EPHB2: variants seen among roughly 807,000 people sequenced by gnomAD.
EPHB2 encodes the protein ephrin type-B receptor 2.
Under a neutral mutation model 96.4 loss-of-function variants are expected in EPHB2, and 18 were observed. The ratio of observed to expected loss-of-function variants is 0.19; its 90% CI spans 0.13 to 0.28. EPHB2 has a LOEUF of 0.28. EPHB2 is among the 10% of genes least tolerant of loss of function. EPHB2 has a pLI of 1.00. For missense variants in EPHB2, 989 were observed against 1,355.4 expected (o/e 0.73, Z 4.25); for synonymous variants, 506 against 534.1 (o/e 0.95, Z 0.72).
rs116919052 is a variant in EPHB2, at chr1:22,712,479, A to G, written c.61+1436A>G. ...TAAGAAAAAACGCATATCAGACCAG[A>G]CGTGGGGGCTGCGGCCTCTGGGAAA... On this transcript the variant is annotated intron_variant, in intron 1 of 15. Transcript: ENST00000374630. Among the ~76,000 whole-genome samples, 581 of 151,974 alleles carry G rather than the reference A, an allele frequency of 3.8e-3. 15 individuals carry two copies. The East Asian group carries it at 0.066, about 17-fold the overall frequency.
chr1:22,720,612 CA>C (rs1643430476), intron 1 of EPHB2, among the ~76,000 whole-genome samples: 1 of 148,896 alleles, frequency 6.7e-6, no homozygotes, highest in South Asian at 2.1e-4. Flanking sequence ...GTTTATCGTC[CA>C]GTCCAGGGAT....
intron 3 of EPHB2, among the ~76,000 whole-genome samples, chr1:22,803,763 A>G (rs1644884139): frequency 6.6e-6 from 1 of 150,464 alleles, no homozygotes; most frequent in African/African-American, 2.5e-5. Flanking sequence ...ATATATATAA[A>G]TTAGCTGGGG....
intron 1 of EPHB2, among the ~76,000 whole-genome samples, chr1:22,748,069 C>A (rs1254876805): frequency 6.6e-6 from 1 of 152,192 alleles, no homozygotes; most frequent in Non-Finnish European, 1.5e-5. Context: ...TTCCTGCTAC[C>A]ACTTGTGCAA....
At chr1:22,747,463 T>C (rs1643992330) in intron 1 of EPHB2, among the ~76,000 whole-genome samples, 1 of 152,220 alleles carries the variant, frequency 6.6e-6, no homozygotes, top group African/African-American at 2.4e-5. Context: ...TTCTTTGTCA[T>C]CCTGGTAGAG....
intron 1 of EPHB2, among the ~76,000 whole-genome samples, chr1:22,713,802 C>T (rs1643222242): frequency 1.3e-5 from 2 of 152,352 alleles, no homozygotes; most frequent in South Asian, 4.1e-4. Context: ...TCCCCAGCTC[C>T]AGCCTTCGGA....
chr1:22,789,727 G>C (rs1241667855), intron 3 of EPHB2, among the ~76,000 whole-genome samples: 1 of 152,212 alleles, frequency 6.6e-6, no homozygotes, highest in African/African-American at 2.4e-5. Flanking sequence ...GGAGAAGACA[G>C]AAGAAAAAGT....
chr1:22,843,693 G>A (rs761134449), intron 3 of EPHB2, among the ~76,000 whole-genome samples: 5 of 152,008 alleles, frequency 3.3e-5, no homozygotes, highest in Non-Finnish European at 5.9e-5. Context: ...GCCACCTGCC[G>A]CTATGCCTGG....
At chr1:22,731,748 GA>G (rs1199488524) in intron 1 of EPHB2, among the ~76,000 whole-genome samples, 43 of 152,188 alleles carry the variant, frequency 2.8e-4, no homozygotes, top group Admixed American at 2.8e-3. Flanking sequence ...GCTGAGGCAG[GA>G]GAATCGCTTG....
Position 22,882,392 on chromosome 1 carries a change from G to A in EPHB2, c.1337G>A (p.Ser446Asn), listed in dbSNP as rs1207656881. 1 of 1,614,170 alleles carries A rather than the reference G, an allele frequency of 6.2e-7. No homozygotes were observed. Among genetic ancestry groups the A allele is most frequent in the Non-Finnish European group, 8.5e-7 (1 of 1,180,026 alleles). Residue 446 changes from serine (S) to asparagine (N), a missense_variant, in exon 6 of 16, where the codon AGC becomes AAC. Physicochemically the swap from Ser to Asn is conservative, Grantham distance 46. Coordinates refer to ENST00000374630, the MANE Select transcript of EPHB2 (RefSeq NM_017449.5). Reference sequence around the variant, plus strand: ...GCAGTGTCCATCATGCATCAGGTGAGCCGCACCGTGGACAGCATTACCCTG... The same window carrying A: ...GCAGTGTCCATCATGCATCAGGTGAACCGCACCGTGGACAGCATTACCCTG... The part of the protein sequence containing the change: ...PSAVSIMHQV[S>N]RTVDSITLSW...
chr1:22,877,392 T>A (rs1345418442), intron 5 of EPHB2, among the ~76,000 whole-genome samples: 1 of 152,212 alleles, frequency 6.6e-6, no homozygotes, highest in Non-Finnish European at 1.5e-5. Context: ...TTTCCCTTTT[T>A]CTGGGCACCA....
chr1:22,892,866 T>C lies in EPHB2; in HGVS notation c.1429-18T>C. The stretch of plus-strand genomic sequence containing the variant: ...ATGAGCCACAACCTCACTAATTTTC[T>C]TCTCTGTTCCTCGGCAGGAGCTCAG... On this transcript the variant is annotated intron_variant, in intron 6 of 15. Coordinates refer to ENST00000374630, the MANE Select transcript of EPHB2 (RefSeq NM_017449.5). 1 of 1,614,192 alleles carries C rather than the reference T, an allele frequency of 6.2e-7. No individual in the cohort carries two copies. Among genetic ancestry groups the C allele is most frequent in the Non-Finnish European group, 8.5e-7 (1 of 1,180,024 alleles).
chr1:22,870,338 G>A (rs559766858), intron 5 of EPHB2, among the ~76,000 whole-genome samples: 1 of 152,204 alleles, frequency 6.6e-6, no homozygotes, highest in Non-Finnish European at 1.5e-5. Context: ...GGCTGGGCTG[G>A]GCTTGAGGGA....
chr1:22,768,875 C>G (rs1275143877), intron 1 of EPHB2, among the ~76,000 whole-genome samples: 1 of 152,138 alleles, frequency 6.6e-6, no homozygotes, highest in African/African-American at 2.4e-5. Context: ...TTTCCCTCCT[C>G]CTTTTGCCTT....
At chr1:22,741,267 A>T (rs1024620403) in intron 1 of EPHB2, among the ~76,000 whole-genome samples, 11 of 151,874 alleles carry the variant, frequency 7.2e-5, no homozygotes, top group Non-Finnish European at 1.6e-4. Context: ...GGCTGCTGGG[A>T]TCTGTCTTCC....
At chr1:22,845,017 G>C (rs775235240) in intron 3 of EPHB2, among the ~76,000 whole-genome samples, 2 of 152,214 alleles carry the variant, frequency 1.3e-5, no homozygotes, top group East Asian at 1.9e-4. Context: ...CTATAAAACA[G>C]GGCCAGGAGT....
At chr1:22,836,157 A>T (rs1442259528) in intron 3 of EPHB2, 1 of 152,104 alleles carries the variant, frequency 6.6e-6, no homozygotes, top group Non-Finnish European at 1.5e-5. Flanking sequence ...CGGCCTTTCC[A>T]GCGTAGCCGC....
chr1:22,773,050 C>G (rs1214898640), intron 1 of EPHB2, among the ~76,000 whole-genome samples: 1 of 152,212 alleles, frequency 6.6e-6, no homozygotes, highest in East Asian at 1.9e-4. Context: ...GTGCCTGCCC[C>G]TAGGTGGCCT....
intron 1 of EPHB2, among the ~76,000 whole-genome samples, chr1:22,713,437 T>C (rs1244759088): frequency 6.6e-6 from 1 of 152,122 alleles, no homozygotes; most frequent in Non-Finnish European, 1.5e-5. Flanking sequence ...TTGAGCCTCG[T>C]TTTCCTCCCC....
intron 3 of EPHB2, among the ~76,000 whole-genome samples, chr1:22,828,350 G>A (rs1384586521): frequency 1.3e-5 from 2 of 152,132 alleles, no homozygotes; most frequent in Non-Finnish European, 1.5e-5. Context: ...CTGTGGCTTG[G>A]GAAGCAGTCG....
Sources: gnomAD v4.1 joint callset for allele counts (sites outside exome capture counted in the v4.1 genomes callset) on GRCh38, gnomAD v4.1.1 for gene constraint, MANE v1.5 for transcripts, NCBI Gene and HGNC (gene_info 2026-07-23, HGNC 2026-07-21) for gene names.